The following SEMA6D variants were observed in gnomAD, a reference collection of about 807,000 sequenced individuals.
SEMA6D encodes the protein semaphorin-6D.
A neutral mutation model predicts 106.6 loss-of-function variants in SEMA6D; 35 were observed. The ratio of observed to expected loss-of-function variants is 0.33; its 90% CI spans 0.25 to 0.44. The LOEUF is 0.44. SEMA6D is among the 20% of genes least tolerant of loss of function. The pLI is 1.00. For missense variants in SEMA6D, 1,185 were observed against 1,345.9 expected (o/e 0.88, Z 1.87); for synonymous variants, 499 against 487.7 (o/e 1.02, Z -0.31).
chr15:47,484,309 C>G (rs1381651403), intron 3 of SEMA6D, among the ~76,000 whole-genome samples: 4 of 152,096 alleles, frequency 2.6e-5, no homozygotes, highest in Non-Finnish European at 5.9e-5. Flanking sequence ...AGGAACAGTG[C>G]GGAGGTACTT....
At chr15:47,367,708 AC>A (rs1567031177) in intron 1 of SEMA6D, among the ~76,000 whole-genome samples, 16 of 145,776 alleles carry the variant, frequency 1.1e-4, no homozygotes, top group African/African-American at 3.9e-4. Context: ...ACACACACAC[AC>A]ACACACACAC....
intron 2 of SEMA6D, among the ~76,000 whole-genome samples, chr15:47,434,687 T>G (rs927710924): frequency 1.2e-4 from 19 of 152,190 alleles, no homozygotes; most frequent in African/African-American, 4.6e-4. Context: ...AAATAATGTC[T>G]AGTACATAGA....
At chr15:47,435,461 A>G (rs1356561376) in intron 2 of SEMA6D, among the ~76,000 whole-genome samples, 3 of 152,062 alleles carry the variant, frequency 2.0e-5, no homozygotes, top group Non-Finnish European at 4.4e-5. Flanking sequence ...AGGCCCTGAT[A>G]AGAAACACTG....
chr15:47,619,870 T>C lies in SEMA6D; in HGVS notation c.-55+18974T>C, dbSNP rs138439864. Among the ~76,000 whole-genome samples, 59 of 152,334 alleles carry C rather than the reference T, an allele frequency of 3.9e-4. No homozygotes were observed. The East Asian group carries it at 9.8e-3, about 25-fold the overall frequency. ...GACTAGCAACCCTATGTCATGTTTA[T>C]TGCCCTCAGAAATCCAAAGGTCAAA... On this transcript the variant is annotated intron_variant, in intron 4 of 19. Transcript: ENST00000558014.
chr15:47,547,042 C>T (rs919490045), intron 3 of SEMA6D, among the ~76,000 whole-genome samples: 1 of 152,076 alleles, frequency 6.6e-6, no homozygotes, highest in Non-Finnish European at 1.5e-5. Context: ...TACACACAAA[C>T]ACACAGATAC....
intron 1 of SEMA6D, among the ~76,000 whole-genome samples, chr15:47,310,419 A>G (rs2036404529): frequency 6.6e-6 from 1 of 152,136 alleles, no homozygotes; most frequent in African/African-American, 2.4e-5. Flanking sequence ...GATATGACTT[A>G]TTTTAAATAG....
At chr15:47,232,844 A>T (rs1198699319) in intron 1 of SEMA6D, among the ~76,000 whole-genome samples, 5 of 151,800 alleles carry the variant, frequency 3.3e-5, no homozygotes, top group African/African-American at 1.2e-4. Context: ...CCATCATCAG[A>T]TATATGAAGT....
At chr15:47,289,877 G>A (rs1465812374) in intron 1 of SEMA6D, among the ~76,000 whole-genome samples, 2 of 151,460 alleles carry the variant, frequency 1.3e-5, no homozygotes, top group East Asian at 1.9e-4. Context: ...TGTTGCTGGC[G>A]GCAGGCTGAT....
chr15:47,462,628 A>G (rs1432055014), intron 2 of SEMA6D, among the ~76,000 whole-genome samples: 1 of 152,028 alleles, frequency 6.6e-6, no homozygotes, highest in African/African-American at 2.4e-5. Flanking sequence ...GGTTCTTCGG[A>G]TTTTCAGATA....
chr15:47,768,798 T>C (rs1054315888), intron 18 of SEMA6D, 50 bp downstream of exon 18: 1 of 1,555,282 alleles, frequency 6.4e-7, no homozygotes, highest in Non-Finnish European at 8.8e-7. Flanking sequence ...AACCTGATCC[T>C]TAATGTCACT....
intron 4 of SEMA6D, among the ~76,000 whole-genome samples, chr15:47,706,136 G>A (rs1311812734): frequency 6.6e-6 from 1 of 152,210 alleles, no homozygotes; most frequent in Non-Finnish European, 1.5e-5. Context: ...CACTGCTAAA[G>A]TGGGATCTTG....
At chr15:47,374,254 A>C (rs2039373506) in intron 1 of SEMA6D, among the ~76,000 whole-genome samples, 1 of 152,202 alleles carries the variant, frequency 6.6e-6, no homozygotes, top group South Asian at 2.1e-4. Context: ...GAATCCACAA[A>C]TTGGCTCATG....
intron 1 of SEMA6D, among the ~76,000 whole-genome samples, chr15:47,232,804 A>T (rs1253867051): frequency 6.6e-6 from 1 of 151,882 alleles, no homozygotes; most frequent in East Asian, 1.9e-4. Context: ...GTTGAGCTGT[A>T]AGGGCTATTT....
chr15:47,702,339 A>C (rs978072971), intron 4 of SEMA6D, among the ~76,000 whole-genome samples: 1 of 152,228 alleles, frequency 6.6e-6, no homozygotes, highest in Non-Finnish European at 1.5e-5. Context: ...ACCTATTAGA[A>C]TGACCAAAAT....
chr15:47,384,833 T>TTTTG (rs2039771634), intron 1 of SEMA6D, among the ~76,000 whole-genome samples: 3 of 145,750 alleles, frequency 2.1e-5, no homozygotes, highest in East Asian at 2.0e-4. Flanking sequence ...TTTTTTTTTT[T>TTTTG]TTTTTTTTTT....
At chr15:47,594,937 G>T (rs749371068) in intron 3 of SEMA6D, among the ~76,000 whole-genome samples, 1 of 152,104 alleles carries the variant, frequency 6.6e-6, no homozygotes, top group South Asian at 2.1e-4. Context: ...TCCAAGCAAG[G>T]GTAATGGCAC....
At chr15:47,380,440 G>A (rs1054158461) in intron 1 of SEMA6D, 4 of 152,118 alleles carry the variant, frequency 2.6e-5, no homozygotes, top group African/African-American at 9.7e-5. Flanking sequence ...CCCCCAAAAC[G>A]TTTGCAGTTA....
intron 4 of SEMA6D, among the ~76,000 whole-genome samples, chr15:47,678,480 G>T (rs994085725): frequency 6.6e-6 from 1 of 151,926 alleles, no homozygotes; most frequent in African/African-American, 2.4e-5. Context: ...AGGTTATTTT[G>T]TTTGATCCTT....
At position 47,764,056 on chromosome 15, in the gene SEMA6D, G is replaced by T. The variant is rs778593812; in HGVS notation, c.954G>T (p.Thr318=). 6.2e-7 allele frequency: 1 copy of T among 1,613,678 alleles called. No individual in the cohort carries two copies. The highest frequency in any genetic ancestry group is 8.5e-7 in the Non-Finnish European group (1 of 1,179,840). ...CCACTGTGGTCGGGGTGTTTACCAC[G>T]CAGCTCAATAGGTGAGAGCAGAACC... ...GIPTVVGVFT[T]QLNSIPGSAV... is the part of the protein sequence containing the mutation. The change falls in exon 10 of 19, where the codon ACG becomes ACT. Residue 318 remains threonine, a synonymous_variant. Coordinates refer to ENST00000536845, the MANE Select transcript of SEMA6D (RefSeq NM_001358351.3).
Sources: gnomAD v4.1 joint callset for allele counts (sites outside exome capture counted in the v4.1 genomes callset) on GRCh38, gnomAD v4.1.1 for gene constraint, MANE v1.5 for transcripts, NCBI Gene and HGNC (gene_info 2026-07-23, HGNC 2026-07-21) for gene names.